The following FRK variants were observed in gnomAD, a reference collection of about 807,000 sequenced individuals.
The protein encoded by FRK is fyn related Src family tyrosine kinase, also known as tyrosine-protein kinase FRK.
FRK carries 51 observed loss-of-function variants against 56.4 expected under a neutral mutation model. That is an observed-to-expected ratio of 0.90 (90% CI 0.72 to 1.14). The LOEUF (loss-of-function observed/expected upper bound fraction) is 1.14. Ranked by LOEUF, FRK falls within the 50% of genes most tolerant of loss-of-function variation. The pLI is 0.00. For synonymous variants in FRK, 245 were observed against 217.9 expected (o/e 1.12, Z -1.10); for missense variants, 570 against 601.4 (o/e 0.95, Z 0.55).
intron 2 of FRK, among the ~76,000 whole-genome samples, chr6:115,981,739 C>A (rs1427255786): frequency 6.6e-6 from 1 of 151,992 alleles, no homozygotes; most frequent in Non-Finnish European, 1.5e-5. Context: ...ATTTTTATCT[C>A]CTTTGGAAAT....
intron 1 of FRK, among the ~76,000 whole-genome samples, chr6:116,031,461 T>C (rs1301833119): frequency 6.6e-6 from 1 of 152,146 alleles, no homozygotes; most frequent in Non-Finnish European, 1.5e-5. Flanking sequence ...CATCTAGCTC[T>C]AATGGTTGAG....
chr6:116,094,871 GAGAA>G, the FRK span, among the ~76,000 whole-genome samples: 1 of 152,172 alleles, frequency 6.6e-6, no homozygotes, highest in South Asian at 2.1e-4. Context: ...GTAAGAAAGA[GAGAA>G]AGAGACAAAG....
At chr6:116,077,248 G>A in the FRK span, among the ~76,000 whole-genome samples, 1 of 152,312 alleles carries the variant, frequency 6.6e-6, no homozygotes, top group East Asian at 1.9e-4. Context: ...GAACCAAGCA[G>A]GAATTAGTTC....
chr6:116,052,105 A>G (rs1302542032), intron 1 of FRK, among the ~76,000 whole-genome samples: 5 of 152,146 alleles, frequency 3.3e-5, no homozygotes, highest in African/African-American at 1.2e-4. Context: ...CGCCATTTCA[A>G]TGAGATTTAC....
chr6:116,016,226 T>C (rs1775645407), intron 1 of FRK, among the ~76,000 whole-genome samples: 1 of 152,160 alleles, frequency 6.6e-6, no homozygotes, highest in South Asian at 2.1e-4. Context: ...TGGTGCCCTA[T>C]GTCTCAGCTG....
intron 1 of FRK, among the ~76,000 whole-genome samples, chr6:116,028,190 C>G (rs1000501412): frequency 6.6e-6 from 1 of 152,124 alleles, no homozygotes; most frequent in Non-Finnish European, 1.5e-5. Context: ...AAACCCTTAT[C>G]ACTACTCAGT....
intron 2 of FRK, among the ~76,000 whole-genome samples, chr6:115,998,634 C>G (rs893763692): frequency 6.6e-6 from 1 of 152,232 alleles, no homozygotes; most frequent in African/African-American, 2.4e-5. Flanking sequence ...CCCCTGCCCT[C>G]TCTTGTCTCA....
At chr6:115,969,366 A>T (rs1177690184) in intron 2 of FRK, among the ~76,000 whole-genome samples, 1 of 152,176 alleles carries the variant, frequency 6.6e-6, no homozygotes, top group East Asian at 1.9e-4. Context: ...ACGTTCTAGC[A>T]GTATTGCTTC....
At chr6:115,998,047 C>G (rs192914989) in intron 2 of FRK, among the ~76,000 whole-genome samples, 1 of 152,336 alleles carries the variant, frequency 6.6e-6, no homozygotes, top group African/African-American at 2.4e-5. Context: ...GACTCCCATA[C>G]TTGCTCATAA....
rs1413613120 is a variant in FRK at position 115,936,611 on chromosome 6, C to G, written c.*5803G>C. 2.6e-5 allele frequency: 4 copies of G among 152,088 alleles called. No homozygotes were observed. The highest frequency in any genetic ancestry group is 4.4e-5 in the Non-Finnish European group (3 of 68,034). The allele number at this position is 152,088 out of a possible 1,614,324, so 9.4% of individuals were successfully genotyped here. A position where few individuals can be genotyped will look rare whatever the true frequency, so the allele number is the denominator to read the frequency against. On this transcript the variant is annotated 3_prime_UTR_variant, in exon 8 of 8. Coordinates refer to ENST00000606080, the MANE Select transcript of FRK (RefSeq NM_002031.3). ...TTAGAGGAATTGCTAACTAGAATAA[C>G]AAGTATAGAGAAGCACATAAATGAC...
intron 4 of FRK, among the ~76,000 whole-genome samples, chr6:115,959,568 A>G (rs1234510931): frequency 1.3e-5 from 2 of 152,200 alleles, no homozygotes; most frequent in South Asian, 2.1e-4. Context: ...TGGCCACTTT[A>G]AAGTGCCTGT....
chr6:116,064,976 C>T (rs74947643), upstream of FRK, among the ~76,000 whole-genome samples: 2,442 of 152,240 alleles, frequency 0.016, 26 homozygotes, highest in Non-Finnish European at 0.025. Context: ...AGTATTCCTT[C>T]CACTGCTAAC....
intron 1 of FRK, chr6:116,038,936 G>C: frequency 1.5e-6 from 1 of 650,264 alleles, no homozygotes. Flanking sequence ...AGATTGCTGT[G>C]GCTGCGCAGA....
At chr6:116,008,483 T>C (rs1469488976) in intron 1 of FRK, among the ~76,000 whole-genome samples, 1 of 152,240 alleles carries the variant, frequency 6.6e-6, no homozygotes, top group Non-Finnish European at 1.5e-5. Context: ...TTTCTGCATG[T>C]AGTGGCATTT....
At chr6:116,053,083 G>A (rs1404686052) in intron 1 of FRK, among the ~76,000 whole-genome samples, 4 of 152,060 alleles carry the variant, frequency 2.6e-5, no homozygotes, top group Admixed American at 6.6e-5. Context: ...ACACAGCTAA[G>A]ACATTACAGA....
intron 1 of FRK, among the ~76,000 whole-genome samples, chr6:116,051,329 T>C (rs1020646605): frequency 1.6e-4 from 25 of 152,110 alleles, no homozygotes; most frequent in African/African-American, 6.0e-4. Context: ...ACCATCTGAA[T>C]ATTAAAAATA....
chr6:116,091,015 A>ATCCAAG, the FRK span, among the ~76,000 whole-genome samples: 1 of 152,188 alleles, frequency 6.6e-6, no homozygotes, highest in African/African-American at 2.4e-5. Flanking sequence ...CTTAATATCT[A>ATCCAAG]TCCAAGAGGA....
intron 1 of FRK, among the ~76,000 whole-genome samples, chr6:116,016,512 GACAC>G (rs1275804420): frequency 6.6e-6 from 1 of 151,984 alleles, no homozygotes; most frequent in Non-Finnish European, 1.5e-5. Flanking sequence ...ATGACACAGA[GACAC>G]ACACACATAT....
intron 5 of FRK, among the ~76,000 whole-genome samples, chr6:115,947,866 C>A (rs1772531009): frequency 6.6e-6 from 1 of 152,094 alleles, no homozygotes; most frequent in South Asian, 2.1e-4. Context: ...ATATCAAATT[C>A]ACTCAATAAG....
Sources: gnomAD v4.1 joint callset for allele counts (sites outside exome capture counted in the v4.1 genomes callset) on GRCh38, gnomAD v4.1.1 for gene constraint, MANE v1.5 for transcripts, NCBI Gene and HGNC (gene_info 2026-07-23, HGNC 2026-07-21) for gene names.